Variants in FLCN observed in about 807,000 individuals in gnomAD.
FLCN encodes the protein folliculin.
In FLCN, 22 loss-of-function variants were observed where a neutral mutation model predicts 62.5. That is an observed-to-expected ratio of 0.35 (90% CI 0.25 to 0.50). The LOEUF is 0.50. Ranked by LOEUF, FLCN falls within the 20% of genes least tolerant of loss-of-function variation. The pLI is 0.97. For missense variants in FLCN, 657 were observed against 778.0 expected (o/e 0.84, Z 1.85); for synonymous variants, 319 against 310.0 (o/e 1.03, Z -0.30).
chr17:17,227,647 G>GCACTCTTA (rs1335649965), intron 4 of FLCN, among the ~76,000 whole-genome samples: 1 of 152,134 alleles, frequency 6.6e-6, no homozygotes, highest in East Asian at 1.9e-4. Context: ...GGAGGCAGAG[G>GCACTCTTA]TTGCAGTGAG....
intron 1 of FLCN, among the ~76,000 whole-genome samples, chr17:17,234,023 A>G (rs1277978330): frequency 6.6e-6 from 1 of 151,672 alleles, no homozygotes; most frequent in Non-Finnish European, 1.5e-5. Context: ...GCATCCAGCC[A>G]AGTCCCCATC....
At chr17:17,227,225 G>A (rs1297702446) in intron 4 of FLCN, among the ~76,000 whole-genome samples, 3 of 152,146 alleles carry the variant, frequency 2.0e-5, no homozygotes, top group Non-Finnish European at 4.4e-5. Flanking sequence ...ACAAAAACAA[G>A]TGGCCCACTG....
chr17:17,214,032 T>C (rs1237664959), intron 13 of FLCN, among the ~76,000 whole-genome samples, 176 bp from the exon 14 acceptor site: 3 of 152,016 alleles, frequency 2.0e-5, no homozygotes, highest in African/African-American at 7.2e-5. Context: ...AGGAGCTGTG[T>C]CCCAGCAAGG....
At chr17:17,228,284 C>T (rs1488769224) in intron 3 of FLCN, 123 bp from the exon 4 acceptor site, 15 of 1,214,126 alleles carry the variant, frequency 1.2e-5, no homozygotes, top group South Asian at 6.0e-5. Flanking sequence ...AGAGGCCACC[C>T]GCCAGTTCCC....
intron 8 of FLCN, chr17:17,221,278 C>T (rs1291710301): frequency 1.9e-6 from 3 of 1,547,036 alleles, no homozygotes; most frequent in Non-Finnish European, 2.6e-6. Context: ...GTTCTCTCTA[C>T]AGACAGCCCA....
chr17:17,216,089 A>T lies in FLCN; in HGVS notation c.1300+291T>A, dbSNP rs542781406. ...GCAGGCCTCCATCTCATAGGCACCC[A>T]ATCACCAGGACGACCAGGATCCTCC... On this transcript the variant is annotated intron_variant, in intron 11 of 13. Coordinates refer to ENST00000285071, the MANE Select transcript of FLCN (RefSeq NM_144997.7). This position sits in a 1 kb window ranked among gnomAD's most constrained non-coding sequence, Gnocchi z 4.0. Among the ~76,000 whole-genome samples the T allele has an allele frequency of 2.6e-5, 4 of 152,154 alleles. No individual in the cohort carries two copies. The highest frequency in any genetic ancestry group is 5.9e-5 in the Non-Finnish European group (4 of 68,014).
At chr17:17,221,977 C>T (rs1188604258) in intron 7 of FLCN, among the ~76,000 whole-genome samples, 1 of 150,896 alleles carries the variant, frequency 6.6e-6, no homozygotes, top group Non-Finnish European at 1.5e-5. Flanking sequence ...TCCGTTTTGT[C>T]GGACATGATC....
In FLCN at chr17:17,226,337, G is replaced by A; in HGVS notation, c.250-15C>T. ...GACCGGCAGCCCTGTCCATGAAAAGGAAAAGTAAATCTGTTAGTTGGGAAG... is the reference window on the plus strand; with the variant it reads ...GACCGGCAGCCCTGTCCATGAAAAGAAAAAGTAAATCTGTTAGTTGGGAAG... On this transcript the variant is annotated splice_polypyrimidine_tract_variant and intron_variant, in intron 4 of 13. Coordinates refer to ENST00000285071, the MANE Select transcript of FLCN (RefSeq NM_144997.7). 6.2e-7 allele frequency: 1 copy of A among 1,614,150 alleles called. No individual in the cohort carries two copies.
At chr17:17,227,167 G>A (rs1020906976) in intron 4 of FLCN, among the ~76,000 whole-genome samples, 6 of 152,170 alleles carry the variant, frequency 3.9e-5, no homozygotes, top group African/African-American at 1.4e-4. Flanking sequence ...CACTGCAGTG[G>A]CAGGTCCAAC....
At chr17:17,225,082 T>C (rs937264524) in intron 5 of FLCN, 8 of 152,240 alleles carry the variant, frequency 5.3e-5, no homozygotes, top group Admixed American at 2.0e-4. Context: ...CGACGAATTC[T>C]TTGTAACAAA....
chr17:17,218,416 C>T (rs545167789), intron 9 of FLCN, among the ~76,000 whole-genome samples: 19 of 135,848 alleles, frequency 1.4e-4, no homozygotes, highest in Non-Finnish European at 2.1e-4. Flanking sequence ...GATGGAGTCT[C>T]GCTCTGTCAC....
In FLCN at chr17:17,223,910, C is replaced by T; in HGVS notation, c.618+12G>A. 1 of 1,613,232 alleles carries T rather than the reference C, an allele frequency of 6.2e-7. No individual in the cohort carries two copies. The highest frequency in any genetic ancestry group is 1.1e-5 in the South Asian group (1 of 91,076). ...GCCCCCTGCCGCCCCGGCACCTCATCTCTGAATTCACCTTGAGCGCCTTGC... is the reference window on the plus strand; with the variant it reads ...GCCCCCTGCCGCCCCGGCACCTCATTTCTGAATTCACCTTGAGCGCCTTGC... On this transcript the variant is annotated intron_variant, in intron 6 of 13. Transcript: ENST00000285071.
chr17:17,218,855 A>G (rs2047000739), intron 9 of FLCN, among the ~76,000 whole-genome samples, 164 bp downstream of exon 9: 1 of 152,180 alleles, frequency 6.6e-6, no homozygotes, highest in South Asian at 2.1e-4. Flanking sequence ...CCTATGGCTA[A>G]TACCCCCAAC....
Position 17,216,541 on chromosome 17 carries a change from G to T in FLCN, c.1177-38C>A. On this transcript the variant is annotated intron_variant, in intron 10 of 13. Coordinates refer to ENST00000285071, the MANE Select transcript of FLCN (RefSeq NM_144997.7). The surrounding 1 kb of genome is among the most constrained non-coding windows in gnomAD (Gnocchi z 4.0). ...GCAGGACTCAGACCAAGGACACGAG[G>T]AAGCCCTCAGCCCCGGCCATCCATG... 6.2e-7 allele frequency: 1 copy of T among 1,612,340 alleles called. No individual in the cohort carries two copies. The highest frequency in any genetic ancestry group is 8.5e-7 in the Non-Finnish European group (1 of 1,179,656).
At chr17:17,234,954 T>C (rs866699356) in intron 1 of FLCN, among the ~76,000 whole-genome samples, 16 of 151,642 alleles carry the variant, frequency 1.1e-4, no homozygotes, top group Admixed American at 5.2e-4. Flanking sequence ...TACTAAAAAA[T>C]ACAAAAAATT....
chr17:17,214,748 C>T (rs759930654), intron 13 of FLCN, among the ~76,000 whole-genome samples: 27 of 152,172 alleles, frequency 1.8e-4, no homozygotes, highest in African/African-American at 4.6e-4. Context: ...AAGCCTCAGT[C>T]GCTCTCCAAG....
At chr17:17,222,694 AG>A in intron 6 of FLCN, 33 bp from the exon 7 acceptor site, 1 of 1,614,004 alleles carries the variant, frequency 6.2e-7, no homozygotes, top group Non-Finnish European at 8.5e-7. Flanking sequence ...GGCCTCTTTA[AG>A]CCAAAGCTGC....
intron 4 of FLCN, among the ~76,000 whole-genome samples, chr17:17,226,964 T>C (rs971743609): frequency 6.6e-6 from 1 of 152,170 alleles, no homozygotes; most frequent in Non-Finnish European, 1.5e-5. Flanking sequence ...CCCCACAGTG[T>C]CGCAGGATTC....
In FLCN at chr17:17,226,270, T is replaced by G. The variant is rs958255980; in HGVS notation, c.302A>C (p.Glu101Ala). Reference sequence around the variant, plus strand: ...GTGGCTGACGTATTTAATGGAGGTCTCTTTATCATGGCTGATATATCCCGG... The same window carrying G: ...GTGGCTGACGTATTTAATGGAGGTCGCTTTATCATGGCTGATATATCCCGG... ...GHPGYISHDK[E>A]TSIKYVSHQH... The change falls in exon 5 of 14, where the codon GAG becomes GCG. Residue 101 changes from glutamate (E) to alanine (A), a missense_variant. Physicochemically the swap from Glu to Ala is moderately radical, Grantham distance 107. Transcript: ENST00000285071. The G allele has an allele frequency of 6.8e-6, 11 of 1,614,058 alleles. No homozygotes were observed. The highest frequency in any genetic ancestry group is 9.3e-6 in the Non-Finnish European group (11 of 1,180,036).
Sources: allele counts gnomAD v4.1 joint callset (sites outside exome capture counted in the v4.1 genomes callset), GRCh38; gene constraint gnomAD v4.1.1; non-coding constraint Gnocchi (gnomAD v3.1); transcripts MANE v1.5; gene names NCBI Gene and HGNC (gene_info 2026-07-23, HGNC 2026-07-21).